PA2G4: variants seen among roughly 807,000 people sequenced by gnomAD.
PA2G4 encodes the protein proliferation-associated protein 2G4.
PA2G4 carries 8 observed loss-of-function variants against 53.3 expected under a neutral mutation model. The observed-to-expected ratio is 0.15, with a 90% CI of 0.09 to 0.27. PA2G4 has a LOEUF of 0.27. Among genes scored for constraint, PA2G4 ranks in the 10% least tolerant of loss-of-function variants. The probability of loss-of-function intolerance (pLI) is 1.00; values close to 1 mark genes in which losing one functional copy is unlikely to be tolerated. For missense variants in PA2G4, 208 were observed against 486.8 expected (o/e 0.43, Z 5.39); for synonymous variants, 143 against 169.8 (o/e 0.84, Z 1.23).
At chr12:56,105,048 G>A (rs1869266839) in intron 1 of PA2G4, 1 of 699,682 alleles carries the variant, frequency 1.4e-6, no homozygotes, top group Non-Finnish European at 2.6e-6. Flanking sequence ...ACCAGGATGA[G>A]CGCAGAGAGG....
rs1363342534 is a variant in PA2G4 at position 56,106,571 on chromosome 12, T to C, written c.89-17T>C. 1.3e-6 allele frequency: 2 copies of C among 1,542,174 alleles called. No homozygotes were observed. Among genetic ancestry groups the C allele is most frequent in the African/African-American group, 1.4e-5 (1 of 71,290 alleles). ...ATGAATACATACAAGGCTGACATGATGGGATTCTGTCCTCAGGGGTACTTC... is the reference window on the plus strand; with the variant it reads ...ATGAATACATACAAGGCTGACATGACGGGATTCTGTCCTCAGGGGTACTTC... On this transcript the variant is annotated splice_polypyrimidine_tract_variant and intron_variant, in intron 1 of 12. Coordinates refer to ENST00000303305, the MANE Select transcript of PA2G4 (RefSeq NM_006191.3).
chr12:56,107,687 A>C, intron 5 of PA2G4, 74 bp downstream of exon 5: 1 of 973,748 alleles, frequency 1.0e-6, no homozygotes, highest in South Asian at 1.3e-5. Context: ...ACTCTATATG[A>C]AACTACCAAC....
intron 1 of PA2G4, 155 bp from the exon 2 acceptor site, chr12:56,106,433 T>C: frequency 2.6e-6 from 2 of 764,138 alleles, no homozygotes; most frequent in Non-Finnish European, 2.0e-6. Context: ...TGTCACATAA[T>C]GTAAGGAAGA....
chr12:56,109,136 A>C (rs1869363423), intron 5 of PA2G4, 94 bp from the exon 6 acceptor site: 3 of 769,202 alleles, frequency 3.9e-6, no homozygotes, highest in East Asian at 3.0e-5. Context: ...AAAAAAAAAA[A>C]AAAAACGCTC....
chr12:56,110,009 G>A, intron 7 of PA2G4, 74 bp downstream of exon 7: 1 of 1,017,328 alleles, frequency 9.8e-7, no homozygotes, highest in Non-Finnish European at 1.6e-6. Context: ...ACTCCCAACT[G>A]AATCTTGTCC....
intron 7 of PA2G4, 75 bp from the exon 8 acceptor site, chr12:56,110,324 C>T (rs1217349465): frequency 2.3e-6 from 2 of 883,182 alleles, no homozygotes; most frequent in Admixed American, 1.9e-5. Flanking sequence ...TGTGCCACTG[C>T]ACTCCAGCCT....
intron 4 of PA2G4, 81 bp downstream of exon 4, chr12:56,107,337 A>T: frequency 8.5e-7 from 1 of 1,172,812 alleles, no homozygotes; most frequent in Non-Finnish European, 1.3e-6. Flanking sequence ...CCCACCCCCA[A>T]TCACCACGTA....
chr12:56,111,345 G>A, intron 11 of PA2G4, 36 bp downstream of exon 11: 1 of 1,613,440 alleles, frequency 6.2e-7, no homozygotes, highest in South Asian at 1.1e-5. Context: ...GTATGTACAT[G>A]GTATCCTGCT....
chr12:56,112,620 G>A (rs1869453156), intron 12 of PA2G4, among the ~76,000 whole-genome samples: 1 of 152,142 alleles, frequency 6.6e-6, no homozygotes, highest in Non-Finnish European at 1.5e-5. Flanking sequence ...GTTGTACATG[G>A]TGGCATATGC....
chr12:56,104,982 G>T (rs1565863619), intron 1 of PA2G4, 157 bp downstream of exon 1: 4 of 759,926 alleles, frequency 5.3e-6, no homozygotes, highest in South Asian at 1.4e-5. Flanking sequence ...CCGGTGTCGC[G>T]CCTGGGACCT....
At position 56,113,379 on chromosome 12, in the gene PA2G4, T is replaced by A. The variant is rs1446717143; in HGVS notation, c.*491T>A. On this transcript the variant is annotated 3_prime_UTR_variant, in exon 13 of 13. Coordinates refer to ENST00000303305, the MANE Select transcript of PA2G4 (RefSeq NM_006191.3). Reference sequence around the variant, plus strand: ...TCTGGCTTCAAAATTAAGAGGATTATTTTTCAGATTGTTTTTATTCAGTGT... The same window carrying A: ...TCTGGCTTCAAAATTAAGAGGATTAATTTTCAGATTGTTTTTATTCAGTGT... 1 of 164,496 alleles carries A rather than the reference T, an allele frequency of 6.1e-6. No individual in the cohort carries two copies. Among genetic ancestry groups the A allele is most frequent in the Non-Finnish European group, 1.3e-5 (1 of 76,730 alleles). 10.2% of individuals were successfully genotyped at this position (164,496 alleles called of 1,614,324 possible).
At position 56,104,842 on chromosome 12, in the gene PA2G4, G is replaced by C; in HGVS notation, c.88+17G>C. 6.2e-7 allele frequency: 1 copy of C among 1,605,840 alleles called. No homozygotes were observed. Among genetic ancestry groups the C allele is most frequent in the Non-Finnish European group, 8.5e-7 (1 of 1,173,154 alleles). On this transcript the variant is annotated intron_variant, in intron 1 of 12. Coordinates refer to ENST00000303305, the MANE Select transcript of PA2G4 (RefSeq NM_006191.3). ...TCGCCAACAGTGAGTGCGGCCTCGGGGGTCGGGGAATCAAGGCTGATAGGG... is the reference window on the plus strand; with the variant it reads ...TCGCCAACAGTGAGTGCGGCCTCGGCGGTCGGGGAATCAAGGCTGATAGGG...
In PA2G4 at chr12:56,104,659, C is replaced by G. The variant is rs756683771; in HGVS notation, c.-79C>G. 2.5e-5 allele frequency: 33 copies of G among 1,326,544 alleles called. No homozygotes were observed. The highest frequency in any genetic ancestry group is 3.3e-5 in the Non-Finnish European group (30 of 917,576). 82.2% of individuals were successfully genotyped at this position (1,326,544 alleles called of 1,614,324 possible). A position where few individuals can be genotyped will look rare whatever the true frequency, so the allele number is the denominator to read the frequency against. ...TCCTCGAGGATCGAGGGGACTCTGA[C>G]CACAGCCTGTGGCTGGGAAGGGAGA... On this transcript the variant is annotated 5_prime_UTR_variant, in exon 1 of 13. Transcript: ENST00000303305.
intron 5 of PA2G4, 82 bp downstream of exon 5, chr12:56,107,695 A>C: frequency 1.1e-6 from 1 of 879,174 alleles, no homozygotes; most frequent in South Asian, 1.4e-5. Flanking sequence ...TGAAACTACC[A>C]ACCTCCCCTA....
chr12:56,110,788 T>G, intron 9 of PA2G4, 96 bp downstream of exon 9: 2 of 1,477,162 alleles, frequency 1.4e-6, no homozygotes, highest in Non-Finnish European at 1.9e-6. Context: ...ACTTGTAGCG[T>G]GCATGTGCTC....
In PA2G4 at chr12:56,113,563, C is replaced by T; in HGVS notation, c.*675C>T. The T allele has an allele frequency of 2.4e-6, 1 of 408,268 alleles. No homozygotes were observed. The highest frequency in any genetic ancestry group is 3.9e-5 in the East Asian group (1 of 25,678). 25.3% of individuals were successfully genotyped at this position (408,268 alleles called of 1,614,324 possible). A position where few individuals can be genotyped will look rare whatever the true frequency, so the allele number is the denominator to read the frequency against. On this transcript the variant is annotated 3_prime_UTR_variant, in exon 13 of 13. Transcript: ENST00000303305. The stretch of plus-strand genomic sequence containing the variant: ...AAAGCTGTAAAGAAATAATCCATCT[C>T]AACCTTACCCTTTTTCTCTGGAGTC...
intron 5 of PA2G4, among the ~76,000 whole-genome samples, chr12:56,108,419 A>ATG (rs1869345138): frequency 6.6e-6 from 1 of 152,244 alleles, no homozygotes; most frequent in Non-Finnish European, 1.5e-5. Flanking sequence ...GTAAAATGAT[A>ATG]TGCAGTTACA....
At chr12:56,111,454 T>C (rs1200727823) in intron 11 of PA2G4, 22 bp from the exon 12 acceptor site, 1 of 1,612,458 alleles carries the variant, frequency 6.2e-7, no homozygotes, top group African/African-American at 1.3e-5. Flanking sequence ...CAAAATTTTT[T>C]TCCCTTCTTC....
At chr12:56,112,145 A>G (rs916458120) in intron 12 of PA2G4, among the ~76,000 whole-genome samples, 2 of 152,200 alleles carry the variant, frequency 1.3e-5, no homozygotes, top group East Asian at 3.9e-4. Context: ...TGTGTCACCC[A>G]GGCTGACGTG....
Sources: allele counts gnomAD v4.1 joint callset (sites outside exome capture counted in the v4.1 genomes callset), GRCh38; gene constraint gnomAD v4.1.1; transcripts MANE v1.5; gene names NCBI Gene and HGNC (gene_info 2026-07-23, HGNC 2026-07-21).